Variants in FGF10 observed in about 807,000 individuals in gnomAD.
The protein encoded by FGF10 is FGF-10.
In FGF10, 2 loss-of-function variants were observed where a neutral mutation model predicts 19.8. That is an observed-to-expected ratio of 0.10 (90% CI 0.04 to 0.32). The LOEUF (loss-of-function observed/expected upper bound fraction) is 0.32. Among genes scored for constraint, FGF10 ranks in the 10% least tolerant of loss-of-function variants. FGF10 has a pLI of 1.00. For missense variants in FGF10, 191 were observed against 246.3 expected, an observed-to-expected ratio of 0.78 and a Z score of 1.50; for synonymous variants, 112 against 94.0, an observed-to-expected ratio of 1.19 and a Z score of -1.10.
chr5:44,359,572 A>G (rs1279152231), intron 1 of FGF10, among the ~76,000 whole-genome samples: 2 of 151,482 alleles, frequency 1.3e-5, no homozygotes, highest in East Asian at 3.9e-4. Flanking sequence ...GTGTTAAATT[A>G]TTAGTGGGGT....
intron 1 of FGF10, among the ~76,000 whole-genome samples, chr5:44,316,394 C>A (rs1231524041): frequency 1.3e-5 from 2 of 152,110 alleles, no homozygotes; most frequent in South Asian, 2.1e-4. Flanking sequence ...GTTAACCAAC[C>A]TTCTATACCA....
At chr5:44,377,724 G>A (rs545627975) in intron 1 of FGF10, among the ~76,000 whole-genome samples, 1 of 152,270 alleles carries the variant, frequency 6.6e-6, no homozygotes, top group South Asian at 2.1e-4. Context: ...TCAGATTTTG[G>A]AATTTTCAGT....
intron 1 of FGF10, among the ~76,000 whole-genome samples, chr5:44,375,609 G>C (rs914000340): frequency 1.3e-5 from 2 of 152,162 alleles, no homozygotes; most frequent in Non-Finnish European, 2.9e-5. Context: ...GATATTATAT[G>C]ACATATGACA....
rs1346406805 is a variant in FGF10 at position 44,303,337 on chromosome 5, CAAAGGTT to C, written c.*1651_*1657del. ...GAGAATCACAGAACGCCAGCATTTC[CAAAGGTT>C]AAACTTTAGTAAGACACATTTAGTG... On this transcript the variant is annotated 3_prime_UTR_variant, in exon 3 of 3. Transcript: ENST00000264664. Among the ~76,000 whole-genome samples, 2 of 151,790 alleles carry C rather than the reference CAAAGGTT, an allele frequency of 1.3e-5. No individual in the cohort carries two copies. The highest frequency in any genetic ancestry group is 4.8e-5 in the African/African-American group (2 of 41,334).
At chr5:44,332,783 T>C (rs1368809467) in intron 1 of FGF10, among the ~76,000 whole-genome samples, 2 of 151,922 alleles carry the variant, frequency 1.3e-5, no homozygotes, top group Non-Finnish European at 1.5e-5. Flanking sequence ...GAAGGAAACA[T>C]ATTTGGCACA....
chr5:44,341,884 A>C (rs1468204937), intron 1 of FGF10, among the ~76,000 whole-genome samples: 1 of 151,998 alleles, frequency 6.6e-6, no homozygotes, highest in Non-Finnish European at 1.5e-5. Context: ...TACATTATTT[A>C]AGGTATGGAA....
Position 44,310,547 on chromosome 5 carries a change from T to A in FGF10, c.326-17A>T, listed in dbSNP as rs752130742. On this transcript the variant is annotated splice_polypyrimidine_tract_variant and intron_variant, in intron 1 of 2. Coordinates refer to ENST00000264664, the MANE Select transcript of FGF10 (RefSeq NM_004465.2). ...CCAGGATGCCTAAAACATACAATTT[T>A]AAAAGGCTAAATAAAGAATCCTAAA... is the stretch of plus-strand genomic sequence containing the variant. The A allele has an allele frequency of 1.8e-5, 27 of 1,510,218 alleles. No individual in the cohort carries two copies. In the East Asian group the frequency reaches 6.1e-4, roughly 34 times the overall value. 93.6% of individuals were successfully genotyped at this position (1,510,218 alleles called of 1,614,324 possible).
chr5:44,333,804 T>C (rs1740789065), intron 1 of FGF10, among the ~76,000 whole-genome samples: 1 of 152,120 alleles, frequency 6.6e-6, no homozygotes. Flanking sequence ...GGCTGCCAGT[T>C]TGAGTAATAA....
chr5:44,352,113 TG>T (rs1338754312), intron 1 of FGF10, among the ~76,000 whole-genome samples: 1 of 151,532 alleles, frequency 6.6e-6, no homozygotes, highest in Admixed American at 6.6e-5. Context: ...GGAGCACATT[TG>T]GGGATGCACT....
At chr5:44,383,086 G>A (rs1203942588) in intron 1 of FGF10, among the ~76,000 whole-genome samples, 1 of 152,068 alleles carries the variant, frequency 6.6e-6, no homozygotes. Flanking sequence ...GAAAGATGTA[G>A]TTATTCACAG....
At chr5:44,335,421 C>T (rs553257996) in intron 1 of FGF10, among the ~76,000 whole-genome samples, 21 of 152,034 alleles carry the variant, frequency 1.4e-4, no homozygotes, top group African/African-American at 4.1e-4. Flanking sequence ...TAGTATAAAA[C>T]AAAAAACATA....
intron 1 of FGF10, among the ~76,000 whole-genome samples, chr5:44,364,602 C>T (rs1423398259): frequency 6.6e-6 from 1 of 151,776 alleles, no homozygotes; most frequent in Non-Finnish European, 1.5e-5. Flanking sequence ...TATGATAGTG[C>T]AGTGGAAAGA....
chr5:44,325,706 A>G (rs1437551023), intron 1 of FGF10, among the ~76,000 whole-genome samples: 3 of 145,518 alleles, frequency 2.1e-5, no homozygotes, highest in African/African-American at 7.6e-5. Context: ...GGACACAGGA[A>G]GGGAACATCA....
Position 44,301,780 on chromosome 5 carries a change from C to T in FGF10, c.*3215G>A, listed in dbSNP as rs1428011984. On this transcript the variant is annotated 3_prime_UTR_variant, in exon 3 of 3. Transcript: ENST00000264664. Reference sequence around the variant, plus strand: ...CTGTGGGGCATTTAACCACATCCTGCCATGCACACACTTGAGCTTCTCTCT... The same window carrying T: ...CTGTGGGGCATTTAACCACATCCTGTCATGCACACACTTGAGCTTCTCTCT... Among the ~76,000 whole-genome samples, 1 of 152,076 alleles carries T rather than the reference C, an allele frequency of 6.6e-6. No homozygotes were observed. The highest frequency in any genetic ancestry group is 2.4e-5 in the African/African-American group (1 of 41,412).
chr5:44,355,820 A>G (rs916489544), intron 1 of FGF10, among the ~76,000 whole-genome samples: 1 of 151,448 alleles, frequency 6.6e-6, no homozygotes. Flanking sequence ...TCTTATAAAT[A>G]AAATAAATTC....
Position 44,365,018 on chromosome 5 carries a change from C to T in FGF10, c.325+23340G>A, listed in dbSNP as rs377701768. ...ATAGATAAAAATAGGTATAGCCAAA[C>T]ACTAGAATTGGAAATTAATGGATAC... On this transcript the variant is annotated intron_variant, in intron 1 of 2. Coordinates refer to ENST00000264664, the MANE Select transcript of FGF10 (RefSeq NM_004465.2). 4.7e-4 allele frequency among the ~76,000 whole-genome samples: 71 copies of T among 152,002 alleles called. 2 individuals carry two copies. The East Asian group carries it at 9.9e-3, about 21-fold the overall frequency.
At chr5:44,387,611 A>T (rs911079251) in intron 1 of FGF10, among the ~76,000 whole-genome samples, 5 of 152,210 alleles carry the variant, frequency 3.3e-5, no homozygotes, top group African/African-American at 1.2e-4. Context: ...AAAGCAGTGC[A>T]TACGCTATTG....
At chr5:44,370,471 C>T (rs144394735) in intron 1 of FGF10, among the ~76,000 whole-genome samples, 6 of 152,218 alleles carry the variant, frequency 3.9e-5, no homozygotes, top group East Asian at 3.9e-4. Context: ...TTTCTTATCT[C>T]GTTCCCTTGC....
chr5:44,320,169 T>C (rs1740450090), intron 1 of FGF10, among the ~76,000 whole-genome samples: 1 of 152,198 alleles, frequency 6.6e-6, no homozygotes, highest in Non-Finnish European at 1.5e-5. Context: ...CAAATATAGA[T>C]GAACGTTAGC....
Sources: allele counts gnomAD v4.1 joint callset (sites outside exome capture counted in the v4.1 genomes callset), GRCh38; gene constraint gnomAD v4.1.1; transcripts MANE v1.5; gene names NCBI Gene and HGNC (gene_info 2026-07-23, HGNC 2026-07-21).